Variants in ENTREP2 observed in about 807,000 individuals in gnomAD.
The protein encoded by ENTREP2 is endosomal transmembrane epsin interactor 2.
chr15:29,257,062 ATTTAT>A, the ENTREP2 span, among the ~76,000 whole-genome samples: 1 of 149,542 alleles, frequency 6.7e-6, no homozygotes, highest in African/African-American at 2.5e-5. Context: ...TTATTTATTT[ATTTAT>A]TTATTTATTT....
At chr15:29,494,516 TC>T in the ENTREP2 span, among the ~76,000 whole-genome samples, 4 of 152,228 alleles carry the variant, frequency 2.6e-5, no homozygotes, top group African/African-American at 9.6e-5. Context: ...ACCATTTTTA[TC>T]CTTGTGGTAA....
the ENTREP2 span, among the ~76,000 whole-genome samples, chr15:29,657,314 C>T: frequency 6.6e-6 from 1 of 151,752 alleles, no homozygotes; most frequent in South Asian, 2.1e-4. Flanking sequence ...CCTACCTCAG[C>T]CTCCCAAAGC....
At chr15:29,295,881 A>AT in the ENTREP2 span, among the ~76,000 whole-genome samples, 11 of 152,184 alleles carry the variant, frequency 7.2e-5, no homozygotes. Flanking sequence ...TCCATTTAGT[A>AT]TTTGCAGCCC....
At chr15:29,185,614 T>G in the ENTREP2 span, among the ~76,000 whole-genome samples, 1 of 152,136 alleles carries the variant, frequency 6.6e-6, no homozygotes, top group Non-Finnish European at 1.5e-5. Flanking sequence ...CAGGCTGGAG[T>G]GCAGTGGTGT....
At chr15:29,597,817 C>T in the ENTREP2 span, among the ~76,000 whole-genome samples, 1 of 151,864 alleles carries the variant, frequency 6.6e-6, no homozygotes, top group African/African-American at 2.4e-5. Flanking sequence ...TGATTGTTGA[C>T]TCTGATAGTA....
At chr15:29,589,577 A>G in the ENTREP2 span, among the ~76,000 whole-genome samples, 2 of 152,216 alleles carry the variant, frequency 1.3e-5, no homozygotes, top group African/African-American at 4.8e-5. Flanking sequence ...TATAGAATGA[A>G]AGGAAACTGT....
chr15:29,342,122 C>T, the ENTREP2 span, among the ~76,000 whole-genome samples: 7 of 152,156 alleles, frequency 4.6e-5, no homozygotes, highest in African/African-American at 1.7e-4. Flanking sequence ...AGAAGGTGCC[C>T]TGATTCTGGC....
At chr15:29,523,676 G>A in the ENTREP2 span, among the ~76,000 whole-genome samples, 16 of 148,296 alleles carry the variant, frequency 1.1e-4, no homozygotes, top group Admixed American at 3.4e-4. Flanking sequence ...ATCAAAGTTG[G>A]AAGATTCACA....
chr15:29,618,081 C>T, the ENTREP2 span, among the ~76,000 whole-genome samples: 1 of 152,146 alleles, frequency 6.6e-6, no homozygotes, highest in African/African-American at 2.4e-5. Flanking sequence ...GAAATAATGG[C>T]TAGTTCATCT....
the ENTREP2 span, among the ~76,000 whole-genome samples, chr15:29,634,284 C>T: frequency 6.6e-6 from 1 of 152,076 alleles, no homozygotes; most frequent in African/African-American, 2.4e-5. Context: ...TAAGAACTGT[C>T]ACCCTTTGGT....
At chr15:29,155,945 A>G in the ENTREP2 span, among the ~76,000 whole-genome samples, 2 of 152,102 alleles carry the variant, frequency 1.3e-5, no homozygotes, top group Non-Finnish European at 2.9e-5. Context: ...GGACTGCCTT[A>G]GGGATCCTAC....
chr15:29,499,386 C>CTTGT, the ENTREP2 span, among the ~76,000 whole-genome samples: 339 of 152,044 alleles, frequency 2.2e-3, 1 homozygote, highest in African/African-American at 7.5e-3. Flanking sequence ...CTGATAAAAA[C>CTTGT]TTGTTTGTTT....
At chr15:29,367,146 C>T in the ENTREP2 span, among the ~76,000 whole-genome samples, 2 of 152,162 alleles carry the variant, frequency 1.3e-5, no homozygotes, top group Admixed American at 6.5e-5. Flanking sequence ...AGCTGAATCT[C>T]GGTAAGAACA....
chr15:29,472,320 G>A, the ENTREP2 span, among the ~76,000 whole-genome samples: 3 of 151,958 alleles, frequency 2.0e-5, no homozygotes, highest in Non-Finnish European at 4.4e-5. Context: ...GGCAGGTCTC[G>A]ATAATCAAAA....
the ENTREP2 span, among the ~76,000 whole-genome samples, chr15:29,563,750 T>A: frequency 6.6e-6 from 1 of 152,030 alleles, no homozygotes; most frequent in Admixed American, 6.6e-5. Context: ...GGCAGGAGAA[T>A]CGCTTGAACC....
At chr15:29,674,036 T>C in the ENTREP2 span, among the ~76,000 whole-genome samples, 2 of 148,842 alleles carry the variant, frequency 1.3e-5, no homozygotes, top group African/African-American at 4.9e-5. Flanking sequence ...CTCTAGTGGA[T>C]CAGGTAGGAG....
the ENTREP2 span, among the ~76,000 whole-genome samples, chr15:29,433,020 A>G: frequency 6.6e-6 from 1 of 152,156 alleles, no homozygotes; most frequent in Non-Finnish European, 1.5e-5. Context: ...GTTCTCCATG[A>G]GCATAAGAGG....
chr15:29,472,018 G>A, the ENTREP2 span, among the ~76,000 whole-genome samples: 17 of 152,108 alleles, frequency 1.1e-4, no homozygotes, highest in African/African-American at 3.6e-4. Flanking sequence ...AGCAGCACGC[G>A]GTGGGGGCCC....
the ENTREP2 span, among the ~76,000 whole-genome samples, chr15:29,283,499 CCAT>C: frequency 2.0e-5 from 3 of 152,280 alleles, no homozygotes; most frequent in South Asian, 6.2e-4. Flanking sequence ...CAGGCATAAG[CCAT>C]CATGCCTGGC....
Sources: allele counts gnomAD v4.1 joint callset (sites outside exome capture counted in the v4.1 genomes callset), GRCh38; gene constraint gnomAD v4.1.1; transcripts MANE v1.5; gene names NCBI Gene and HGNC (gene_info 2026-07-23, HGNC 2026-07-21).